Variants in FRK observed in about 807,000 individuals in gnomAD.
The protein encoded by FRK is tyrosine-protein kinase FRK.
FRK carries 51 observed loss-of-function variants against 56.4 expected under a neutral mutation model. The ratio of observed to expected loss-of-function variants is 0.90; its 90% CI spans 0.72 to 1.14. FRK has a LOEUF of 1.14. Among genes scored for constraint, FRK ranks in the 50% most tolerant of loss-of-function variants. The pLI is 0.00. For missense variants in FRK, 570 were observed against 601.4 expected (o/e 0.95, Z 0.55); for synonymous variants, 245 against 217.9 (o/e 1.12, Z -1.10).
chr6:116,007,563 ACC>A (rs2114704121), intron 1 of FRK, among the ~76,000 whole-genome samples: 1 of 152,346 alleles, frequency 6.6e-6, no homozygotes, highest in African/African-American at 2.4e-5. Context: ...GATAAAGAAC[ACC>A]ATGTATTTTG....
intron 1 of FRK, among the ~76,000 whole-genome samples, chr6:116,011,140 A>G (rs1047702439): frequency 2.0e-5 from 3 of 152,238 alleles, no homozygotes; most frequent in Non-Finnish European, 2.9e-5. Flanking sequence ...CATAAGATAA[A>G]TATCTTAAAT....
At chr6:116,073,298 A>C in the FRK span, among the ~76,000 whole-genome samples, 3 of 152,176 alleles carry the variant, frequency 2.0e-5, no homozygotes, top group African/African-American at 7.2e-5. Flanking sequence ...TAGAAATTCA[A>C]GAATGGAGCA....
At chr6:115,998,354 G>C (rs553249593) in intron 2 of FRK, among the ~76,000 whole-genome samples, 1 of 152,210 alleles carries the variant, frequency 6.6e-6, no homozygotes, top group African/African-American at 2.4e-5. Context: ...TGTAGAACAA[G>C]GTCCAAATTC....
intron 5 of FRK, among the ~76,000 whole-genome samples, chr6:115,945,266 G>A (rs1171449757): frequency 1.3e-5 from 2 of 152,026 alleles, no homozygotes; most frequent in Non-Finnish European, 2.9e-5. Context: ...GGTCTGTTTT[G>A]AGATATTTGA....
intron 1 of FRK, among the ~76,000 whole-genome samples, chr6:116,023,009 C>A (rs571106356): frequency 5.9e-5 from 9 of 152,068 alleles, no homozygotes; most frequent in African/African-American, 2.2e-4. Context: ...TAAAGAGACA[C>A]TTCACAAAAG....
the FRK span, among the ~76,000 whole-genome samples, chr6:116,090,102 T>C: frequency 1.3e-5 from 2 of 152,224 alleles, no homozygotes; most frequent in African/African-American, 4.8e-5. Flanking sequence ...GGGCATTTTG[T>C]ATTTTATCTG....
chr6:115,978,926 G>A (rs1017063719), intron 2 of FRK, among the ~76,000 whole-genome samples: 4 of 151,958 alleles, frequency 2.6e-5, no homozygotes, highest in African/African-American at 9.7e-5. Flanking sequence ...GGTGGCACAT[G>A]CCTATAGTCC....
chr6:116,064,038 C>T (rs1029253612), upstream of FRK, among the ~76,000 whole-genome samples: 3 of 152,164 alleles, frequency 2.0e-5, no homozygotes, highest in African/African-American at 7.2e-5. Context: ...GGAAGAACCT[C>T]CAACACATTT....
At chr6:116,054,914 C>G (rs1181108606) in intron 1 of FRK, among the ~76,000 whole-genome samples, 1 of 151,900 alleles carries the variant, frequency 6.6e-6, no homozygotes, top group East Asian at 1.9e-4. Flanking sequence ...AATTTTTAAA[C>G]CACATTGTTT....
chr6:115,989,860 C>T (rs1393880488), intron 2 of FRK, among the ~76,000 whole-genome samples: 1 of 151,878 alleles, frequency 6.6e-6, no homozygotes, highest in Non-Finnish European at 1.5e-5. Flanking sequence ...GAGAAATGTC[C>T]ACACTGTTTT....
chr6:116,056,530 GA>G (rs1777406649), intron 1 of FRK, among the ~76,000 whole-genome samples: 1 of 152,056 alleles, frequency 6.6e-6, no homozygotes, highest in Non-Finnish European at 1.5e-5. Context: ...TATTATTGCT[GA>G]TCATATTGCT....
rs746427092 is a variant in FRK, at chr6:115,967,579, A to T, written c.771T>A (p.Thr257=). The T allele has an allele frequency of 2.5e-6, 4 of 1,613,498 alleles. No homozygotes were observed. In the South Asian group the frequency reaches 4.4e-5, roughly 18 times the overall value. ...GTTTTAATGTTTTCACTGCTACTGGAGTGGTATTGTTCCACAGACCTTCCC... is the reference window on the plus strand; with the variant it reads ...GTTTTAATGTTTTCACTGCTACTGGTGTGGTATTGTTCCACAGACCTTCCC... ...EVWEGLWNNT[T]PVAVKTLKPG... is the part of the protein sequence containing the mutation. The change falls in exon 4 of 8, where the codon ACT becomes ACA. Residue 257 remains threonine (T), a synonymous_variant. Transcript: ENST00000606080.
chr6:116,045,138 G>A (rs1468477177), intron 1 of FRK, among the ~76,000 whole-genome samples: 47 of 137,120 alleles, frequency 3.4e-4, no homozygotes, highest in Non-Finnish European at 6.1e-4. Flanking sequence ...AATCAATATC[G>A]TGAAAATGGC....
chr6:115,936,432 C>A lies in FRK; in HGVS notation c.*5982G>T, dbSNP rs567458810. On this transcript the variant is annotated 3_prime_UTR_variant, in exon 8 of 8. Transcript: ENST00000606080. ...ATGCCTCTTCTCCTCCAAAGGATCACAACTCCTTGCCAGCAAGGGAATAAA... is the reference window on the plus strand; with the variant it reads ...ATGCCTCTTCTCCTCCAAAGGATCAAAACTCCTTGCCAGCAAGGGAATAAA... The A allele has an allele frequency of 6.6e-6, 1 of 152,194 alleles. No individual in the cohort carries two copies. Among genetic ancestry groups the A allele is most frequent in the Admixed American group, 6.5e-5 (1 of 15,278 alleles). The allele number at this position is 152,194 out of a possible 1,614,324, so 9.4% of individuals were successfully genotyped here. A position where few individuals can be genotyped will look rare whatever the true frequency, so the allele number is the denominator to read the frequency against.
chr6:116,074,891 C>G, the FRK span, among the ~76,000 whole-genome samples: 1 of 152,136 alleles, frequency 6.6e-6, no homozygotes, highest in East Asian at 1.9e-4. Flanking sequence ...ATGCTGTGTT[C>G]CCTTTGACTT....
intron 2 of FRK, among the ~76,000 whole-genome samples, chr6:116,003,631 A>C (rs2114694456): frequency 6.6e-6 from 1 of 152,316 alleles, no homozygotes; most frequent in South Asian, 2.1e-4. Context: ...CTGTCAGCAG[A>C]TCCATGTTCT....
the FRK span, among the ~76,000 whole-genome samples, chr6:116,066,703 T>A: frequency 6.6e-6 from 1 of 152,174 alleles, no homozygotes; most frequent in Admixed American, 6.5e-5. Context: ...CCAGCCACAG[T>A]GGCCACCTTT....
chr6:116,026,420 C>T (rs531170027), intron 1 of FRK, among the ~76,000 whole-genome samples: 6 of 150,516 alleles, frequency 4.0e-5, no homozygotes, highest in South Asian at 2.1e-4. Context: ...TCAGGATCTC[C>T]GGCTAGGCAA....
intron 4 of FRK, among the ~76,000 whole-genome samples, chr6:115,965,101 A>G (rs1773510711): frequency 1.1e-5 from 1 of 94,734 alleles, no homozygotes; most frequent in African/African-American, 4.1e-5. Context: ...CTACCATCAG[A>G]GTGAACAGGC....
Sources: gnomAD v4.1 joint callset for allele counts (sites outside exome capture counted in the v4.1 genomes callset) on GRCh38, gnomAD v4.1.1 for gene constraint, MANE v1.5 for transcripts, NCBI Gene and HGNC (gene_info 2026-07-23, HGNC 2026-07-21) for gene names.